The following EFCC1 variants were observed in gnomAD, a reference collection of about 807,000 sequenced individuals.
The protein encoded by EFCC1 is EF-hand and coiled-coil domain containing 1.
In EFCC1, 50 loss-of-function variants were observed where a neutral mutation model predicts 52.1. That is an observed-to-expected ratio of 0.96 (90% confidence interval 0.76 to 1.21). The LOEUF (loss-of-function observed/expected upper bound fraction) is 1.21. Ranked by LOEUF, EFCC1 falls within the 50% of genes most tolerant of loss-of-function variation. The pLI is 0.00. For missense variants in EFCC1, 837 were observed against 867.3 expected (o/e 0.97, Z 0.44); for synonymous variants, 399 against 396.5 (o/e 1.01, Z -0.08).
At chr3:129,026,194 C>G (rs1270662102) in intron 2 of EFCC1, among the ~76,000 whole-genome samples, 1 of 152,182 alleles carries the variant, frequency 6.6e-6, no homozygotes, top group African/African-American at 2.4e-5. Flanking sequence ...GGAAGCTGTG[C>G]CTGGAGCAGG....
chr3:129,038,728 C>A, intron 6 of EFCC1, 103 bp from the exon 7 acceptor site: 2 of 1,146,612 alleles, frequency 1.7e-6, no homozygotes, highest in Non-Finnish European at 2.6e-6. Flanking sequence ...TTTATCTGTC[C>A]CCAGGGAGCT....
chr3:129,039,682 C>G (rs375639961), intron 7 of EFCC1, 30 bp from the exon 8 acceptor site: 58 of 1,567,986 alleles, frequency 3.7e-5, no homozygotes, highest in Non-Finnish European at 4.9e-5. Flanking sequence ...CAGACTGATC[C>G]TGCCCTCCCT....
intron 1 of EFCC1, chr3:129,003,245 C>T (rs905892299): frequency 2.0e-6 from 2 of 985,230 alleles, no homozygotes; most frequent in African/African-American, 1.7e-5. Context: ...GTACTGGGAG[C>T]CATGGGATGC....
At chr3:129,026,114 T>A (rs947755313) in intron 2 of EFCC1, among the ~76,000 whole-genome samples, 1 of 152,264 alleles carries the variant, frequency 6.6e-6, no homozygotes, top group African/African-American at 2.4e-5. Context: ...AGGAAGATGT[T>A]TGAAATATTG....
At chr3:129,005,051 CAA>C (rs1488832217) in intron 2 of EFCC1, among the ~76,000 whole-genome samples, 4 of 152,170 alleles carry the variant, frequency 2.6e-5, no homozygotes, top group African/African-American at 9.7e-5. Flanking sequence ...TTTCAAATCA[CAA>C]GTCACCCCTG....
At chr3:129,026,111 T>C (rs539307547) in intron 2 of EFCC1, among the ~76,000 whole-genome samples, 1 of 152,368 alleles carries the variant, frequency 6.6e-6, no homozygotes, top group South Asian at 2.1e-4. Context: ...ATGAGGAAGA[T>C]GTTTGAAATA....
chr3:129,036,005 AGTT>A (rs1276348900), intron 5 of EFCC1, among the ~76,000 whole-genome samples: 2 of 152,180 alleles, frequency 1.3e-5, no homozygotes, highest in Non-Finnish European at 2.9e-5. Context: ...CTAAGTTGAA[AGTT>A]GTTTCTACAT....
chr3:129,024,114 G>A (rs1379608815), intron 2 of EFCC1, among the ~76,000 whole-genome samples: 1 of 152,210 alleles, frequency 6.6e-6, no homozygotes, highest in East Asian at 1.9e-4. Context: ...GGAAATCCCA[G>A]TCTGGTGAGA....
At position 129,018,436 on chromosome 3, in the gene EFCC1, C is replaced by T. The variant is rs1945684241; in HGVS notation, c.981-12267C>T. Among the ~76,000 whole-genome samples, 3 of 152,290 alleles carry T rather than the reference C, an allele frequency of 2.0e-5. No homozygotes were observed. The South Asian group carries it at 6.2e-4, about 32-fold the overall frequency. On this transcript the variant is annotated intron_variant, in intron 2 of 7. Transcript: ENST00000683648. ...TTTCATAAAATTCAAATTTTAGTGT[C>T]GATGAATAAAGTTTTATTGGAACAC... is the stretch of plus-strand genomic sequence containing the variant.
At chr3:129,032,181 G>A (rs1365370056) in intron 3 of EFCC1, among the ~76,000 whole-genome samples, 1 of 152,194 alleles carries the variant, frequency 6.6e-6, no homozygotes, top group Non-Finnish European at 1.5e-5. Context: ...TTAGACGCCT[G>A]TAGTTCCCTG....
intron 2 of EFCC1, among the ~76,000 whole-genome samples, chr3:129,004,957 C>A (rs928089730): frequency 6.6e-6 from 1 of 152,194 alleles, no homozygotes; most frequent in African/African-American, 2.4e-5. Context: ...AGATTGGGGT[C>A]CCTGCCTGTG....
intron 2 of EFCC1, among the ~76,000 whole-genome samples, chr3:129,016,788 G>C (rs1032850587): frequency 6.6e-6 from 1 of 152,146 alleles, no homozygotes; most frequent in Non-Finnish European, 1.5e-5. Context: ...AGCACTCACT[G>C]GGTGTTAGGC....
At chr3:129,015,214 T>G (rs1465614263) in intron 2 of EFCC1, among the ~76,000 whole-genome samples, 5 of 152,038 alleles carry the variant, frequency 3.3e-5, no homozygotes, top group Non-Finnish European at 5.9e-5. Flanking sequence ...GCTCCCCTTC[T>G]CAGGCCCTTT....
chr3:129,009,660 C>G (rs1209864071), intron 2 of EFCC1, among the ~76,000 whole-genome samples: 2 of 152,204 alleles, frequency 1.3e-5, no homozygotes, highest in Non-Finnish European at 2.9e-5. Flanking sequence ...GCACTGTACC[C>G]CAGACACATT....
At chr3:129,004,407 C>T (rs1001871428) in intron 2 of EFCC1, among the ~76,000 whole-genome samples, 1 of 135,148 alleles carries the variant, frequency 7.4e-6, no homozygotes, top group Non-Finnish European at 1.6e-5. Flanking sequence ...ACCCATCCAT[C>T]CACTCACCCA....
intron 2 of EFCC1, among the ~76,000 whole-genome samples, chr3:129,004,577 T>A (rs1207968773): frequency 1.4e-5 from 2 of 141,634 alleles, no homozygotes; most frequent in African/African-American, 2.6e-5. Flanking sequence ...CTCCTGTTCA[T>A]CCACAAACAC....
chr3:129,027,102 A>C (rs1462582192), intron 2 of EFCC1, among the ~76,000 whole-genome samples: 1 of 151,858 alleles, frequency 6.6e-6, no homozygotes, highest in Non-Finnish European at 1.5e-5. Flanking sequence ...GTCGGTCATC[A>C]TGCTCCGCGC....
intron 2 of EFCC1, among the ~76,000 whole-genome samples, chr3:129,018,163 CT>C (rs1945671570): frequency 6.6e-6 from 1 of 152,162 alleles, no homozygotes; most frequent in South Asian, 2.1e-4. Context: ...GAGGTGCTGG[CT>C]GGCCTTGGGA....
intron 2 of EFCC1, among the ~76,000 whole-genome samples, chr3:129,012,113 A>T (rs1945354894): frequency 6.6e-6 from 1 of 152,206 alleles, no homozygotes; most frequent in Admixed American, 6.5e-5. Flanking sequence ...CTTGGCCATG[A>T]CCTGCCTCAT....
Sources: gnomAD v4.1 joint callset for allele counts (sites outside exome capture counted in the v4.1 genomes callset) on GRCh38, gnomAD v4.1.1 for gene constraint, MANE v1.5 for transcripts, NCBI Gene and HGNC (gene_info 2026-07-23, HGNC 2026-07-21) for gene names.